The following PIGN variants were observed in gnomAD, a reference collection of about 807,000 sequenced individuals.
The protein encoded by PIGN is GPI ethanolamine phosphate transferase 1.
PIGN carries 117 observed loss-of-function variants against 125.4 expected under a neutral mutation model. That is an observed-to-expected ratio of 0.93 (90% CI 0.80 to 1.09). The LOEUF (loss-of-function observed/expected upper bound fraction) is 1.09. Among genes scored for constraint, PIGN ranks in the 50% least tolerant of loss-of-function variants. PIGN has a pLI of 0.00. For missense variants in PIGN, 1,075 were observed against 1,094.9 expected (o/e 0.98, Z 0.26); for synonymous variants, 392 against 377.8 (o/e 1.04, Z -0.44).
At chr18:62,110,364 T>C (rs1198365045) in intron 16 of PIGN, among the ~76,000 whole-genome samples, 1 of 152,182 alleles carries the variant, frequency 6.6e-6, no homozygotes, top group Non-Finnish European at 1.5e-5. Flanking sequence ...TTAATTATCA[T>C]TTGGAACAAT....
At chr18:62,078,737 G>C (rs1028661990) in intron 28 of PIGN, among the ~76,000 whole-genome samples, 6 of 152,172 alleles carry the variant, frequency 3.9e-5, no homozygotes, top group African/African-American at 1.4e-4. Context: ...AAGCTACTGT[G>C]TACCTAGATC....
At chr18:62,166,046 G>C (rs1380943657) in intron 1 of PIGN, among the ~76,000 whole-genome samples, 1 of 152,188 alleles carries the variant, frequency 6.6e-6, no homozygotes, top group Non-Finnish European at 1.5e-5. Context: ...TTTGTGTGCT[G>C]AGGAATAATT....
chr18:62,154,949 A>T (rs2036669413), intron 6 of PIGN, among the ~76,000 whole-genome samples: 1 of 152,198 alleles, frequency 6.6e-6, no homozygotes, highest in Admixed American at 6.5e-5. Context: ...TCTAATAAGC[A>T]ATATAACAAA....
Position 62,163,385 on chromosome 18 carries a change from C to T in PIGN, c.-110+146G>A, listed in dbSNP as rs376888360. The stretch of plus-strand genomic sequence containing the variant: ...CATATTTGCATGGTGTTCTGGTCCC[C>T]GAAGAAACCTAGATTAGTTACCTTT... On this transcript the variant is annotated intron_variant, in intron 2 of 30. Transcript: ENST00000640252. 3.9e-5 allele frequency: 6 copies of T among 152,002 alleles called. No homozygotes were observed. The South Asian group carries it at 8.3e-4, about 21-fold the overall frequency. The allele number at this position is 152,002 out of a possible 1,614,324, so 9.4% of individuals were successfully genotyped here.
intron 17 of PIGN, among the ~76,000 whole-genome samples, chr18:62,109,469 T>C (rs1211579298): frequency 1.3e-5 from 2 of 152,190 alleles, no homozygotes; most frequent in African/African-American, 4.8e-5. Flanking sequence ...TTGTCAAATA[T>C]GAAGATATAT....
intron 21 of PIGN, among the ~76,000 whole-genome samples, chr18:62,101,811 A>T (rs2034448278): frequency 6.6e-6 from 1 of 152,158 alleles, no homozygotes; most frequent in Non-Finnish European, 1.5e-5. Context: ...TTATTTATTT[A>T]TTCAGTTAAA....
chr18:62,101,629 G>A (rs2034441096), intron 21 of PIGN, among the ~76,000 whole-genome samples: 1 of 152,046 alleles, frequency 6.6e-6, no homozygotes, highest in Non-Finnish European at 1.5e-5. Flanking sequence ...TAAGTTCCCT[G>A]TTGCTCTCCA....
chr18:62,125,842 A>C (rs1235545483), intron 14 of PIGN, among the ~76,000 whole-genome samples: 1 of 152,124 alleles, frequency 6.6e-6, no homozygotes, highest in Admixed American at 6.6e-5. Context: ...TAGAATAACT[A>C]AATATTTTAA....
chr18:62,035,899 G>C (rs62096624), intron 23 of PIGN, among the ~76,000 whole-genome samples: 26,543 of 152,174 alleles, frequency 0.17, 3,155 homozygotes, highest in Middle Eastern at 0.28. Context: ...CCAGAAGCTG[G>C]AGGTGAGCTT....
intron 1 of PIGN, among the ~76,000 whole-genome samples, chr18:62,167,513 T>C (rs1000434139): frequency 3.3e-5 from 5 of 151,454 alleles, no homozygotes; most frequent in Non-Finnish European, 7.4e-5. Flanking sequence ...ACACCTGTGG[T>C]CTCAGCTACT....
chr18:62,120,328 G>C (rs2035253755), intron 14 of PIGN, among the ~76,000 whole-genome samples: 1 of 152,112 alleles, frequency 6.6e-6, no homozygotes, highest in Admixed American at 6.6e-5. Context: ...TGACAATCTA[G>C]AATTTCACTT....
At position 62,157,213 on chromosome 18, in the gene PIGN, G is replaced by T; in HGVS notation, c.358C>A (p.Pro120Thr). 1 of 1,600,770 alleles carries T rather than the reference G, an allele frequency of 6.2e-7. No homozygotes were observed. Among genetic ancestry groups the T allele is most frequent in the Non-Finnish European group, 8.5e-7 (1 of 1,170,462 alleles). ...SAVAKGWKEN[P>T]VEFDSLFNES... ...TTAAAAAGAGAATCAAACTCTACAG[G>T]ATTTTCCTTCCATCCTTCAGAAAGC... The change falls in exon 6 of 31, where the codon CCT becomes ACT. Residue 120 changes from proline to threonine, a missense_variant. By Grantham distance (38) the Pro-to-Thr change is conservative. This residue lies in a region of PIGN where 152 missense variants were observed against 162.9 expected (regional missense o/e 0.93). Coordinates refer to ENST00000640252, the MANE Select transcript of PIGN (RefSeq NM_176787.5).
Position 62,106,883 on chromosome 18 carries a change from T to C in PIGN, c.1675-2A>G. The C allele has an allele frequency of 1.2e-6, 2 of 1,602,294 alleles. No individual in the cohort carries two copies. The highest frequency in any genetic ancestry group is 1.7e-6 in the Non-Finnish European group (2 of 1,173,204). Reference sequence around the variant, plus strand: ...ATAGCGGTAGAAAAAACTGAGAACCTAGTAATGCATTCCAAAGAAGGAATG... The same window carrying C: ...ATAGCGGTAGAAAAAACTGAGAACCCAGTAATGCATTCCAAAGAAGGAATG... On this transcript the variant is annotated splice_acceptor_variant, in intron 18 of 30. Transcript: ENST00000640252. LOFTEE classifies it high-confidence loss of function.
chr18:62,140,690 C>G (rs2036102000), intron 11 of PIGN, among the ~76,000 whole-genome samples: 1 of 152,076 alleles, frequency 6.6e-6, no homozygotes, highest in African/African-American at 2.4e-5. Context: ...AAAGAAACCA[C>G]TAAAGGCCCT....
At chr18:62,033,473 ACTT>A (rs1204095253) in intron 23 of PIGN, among the ~76,000 whole-genome samples, 3 of 152,212 alleles carry the variant, frequency 2.0e-5, no homozygotes, top group Non-Finnish European at 4.4e-5. Flanking sequence ...TATATCTGTT[ACTT>A]CTTCTAAAGT....
At position 62,041,838 on chromosome 18, in the gene PIGN, T is replaced by C. The variant is rs2030394518; in HGVS notation, c.*4018A>G. ...GCCACCAAGCCCGGCTTTGGAAACA[T>C]TTCTTATGTTTACCAATCAGGAAGA... On this transcript the variant is annotated 3_prime_UTR_variant, in exon 31 of 31. Coordinates refer to ENST00000640252, the MANE Select transcript of PIGN (RefSeq NM_176787.5). 6.6e-6 allele frequency: 1 copy of C among 151,456 alleles called. No individual in the cohort carries two copies. The highest frequency in any genetic ancestry group is 2.1e-4 in the South Asian group (1 of 4,722). 9.4% of individuals were successfully genotyped at this position (151,456 alleles called of 1,614,324 possible).
At chr18:62,024,617 C>T (rs948587676) in intron 23 of PIGN, among the ~76,000 whole-genome samples, 3 of 152,236 alleles carry the variant, frequency 2.0e-5, no homozygotes, top group Admixed American at 1.3e-4. Context: ...TGTCAGGGCC[C>T]CCCTTGTTTC....
intron 1 of PIGN, among the ~76,000 whole-genome samples, chr18:62,178,025 C>T (rs1374334427): frequency 6.6e-6 from 1 of 151,936 alleles, no homozygotes; most frequent in Admixed American, 6.6e-5. Flanking sequence ...GTAATTTTTG[C>T]GGGGGATAAA....
rs1411382752 is a variant in PIGN, at chr18:62,106,690, T to A, written c.1767+99A>T. On this transcript the variant is annotated intron_variant, in intron 19 of 30. Coordinates refer to ENST00000640252, the MANE Select transcript of PIGN (RefSeq NM_176787.5). Reference sequence around the variant, plus strand: ...CTAGGCTCTTTTATGTAAGAACACATTCTACCCTTTTCTTTAAAAATAAAC... The same window carrying A: ...CTAGGCTCTTTTATGTAAGAACACAATCTACCCTTTTCTTTAAAAATAAAC... 9.3e-6 allele frequency: 7 copies of A among 753,304 alleles called. No individual in the cohort carries two copies. The East Asian group carries it at 1.9e-4, about 20-fold the overall frequency. The allele number at this position is 753,304 out of a possible 1,614,324, so 46.7% of individuals were successfully genotyped here.
Sources: allele counts gnomAD v4.1 joint callset (sites outside exome capture counted in the v4.1 genomes callset), GRCh38; gene constraint gnomAD v4.1.1; regional missense constraint gnomAD v4.1.1; transcripts MANE v1.5; gene names NCBI Gene and HGNC (gene_info 2026-07-23, HGNC 2026-07-21).